Variants in RFX3 observed in about 807,000 individuals in gnomAD.
RFX3 encodes regulatory factor X3, also known as transcription factor RFX3.
Under a neutral mutation model 98.6 loss-of-function variants are expected in RFX3, and 14 were observed. The observed-to-expected ratio is 0.14, with a 90% CI of 0.09 to 0.22. RFX3 has a LOEUF of 0.22. Ranked by LOEUF, RFX3 falls within the 10% of genes least tolerant of loss-of-function variation. The pLI, the probability that RFX3 is intolerant of heterozygous loss-of-function variation, is 1.00. For synonymous variants in RFX3, 383 were observed against 328.4 expected (o/e 1.17, Z -1.80); for missense variants, 639 against 926.9 (o/e 0.69, Z 4.03).
intron 1 of RFX3, among the ~76,000 whole-genome samples, chr9:3,441,375 G>A (rs925123920): frequency 6.6e-6 from 1 of 152,042 alleles, no homozygotes; most frequent in Non-Finnish European, 1.5e-5. Context: ...GGTTCTGTCT[G>A]CCAAGCAAAC....
chr9:3,353,037 G>T (rs559711240), intron 2 of RFX3, among the ~76,000 whole-genome samples: 12 of 151,968 alleles, frequency 7.9e-5, no homozygotes, highest in African/African-American at 2.7e-4. Context: ...ATGAGTTCAC[G>T]TCCTTTGTAG....
rs1015065274 is a variant in RFX3 at position 3,322,211 on chromosome 9, T to A, written c.474+8048A>T. ...ACATTTTATGTTAACTTAGGGAGGTTAAATGTTTAATATTGAAATTTCTTA... is the reference window on the plus strand; with the variant it reads ...ACATTTTATGTTAACTTAGGGAGGTAAAATGTTTAATATTGAAATTTCTTA... On this transcript the variant is annotated intron_variant, in intron 4 of 16. Transcript: ENST00000617270. Among the ~76,000 whole-genome samples, 3 of 152,168 alleles carry A rather than the reference T, an allele frequency of 2.0e-5. No individual in the cohort carries two copies. The East Asian group carries it at 5.8e-4, about 29-fold the overall frequency.
chr9:3,512,314 C>G (rs560205652), intron 1 of RFX3, among the ~76,000 whole-genome samples: 10 of 151,668 alleles, frequency 6.6e-5, no homozygotes, highest in Admixed American at 6.6e-4. Context: ...GAAGGTACTA[C>G]TTTGTTAAAT....
rs1287553932 is a variant in RFX3 at position 3,263,076 on chromosome 9, A to G, written c.1464T>C (p.Ala488=). 2 of 1,613,666 alleles carry G rather than the reference A, an allele frequency of 1.2e-6. No homozygotes were observed. The highest frequency in any genetic ancestry group is 8.5e-7 in the Non-Finnish European group (1 of 1,179,660). The change falls in exon 13 of 17, where the codon GCT becomes GCC. Residue 488 remains alanine (A), a synonymous_variant. Transcript: ENST00000617270. ...PQRMIQTKVA[A]VSAFAQTLRR... is the part of the protein sequence containing the mutation. ...GCAGAGTCTGGGCAAAGGCACTTAC[A>G]GCGGCAACCTGTAACGCAATCCAAT...
At chr9:3,508,030 T>C (rs1018796051) in intron 1 of RFX3, among the ~76,000 whole-genome samples, 1 of 151,970 alleles carries the variant, frequency 6.6e-6, no homozygotes, top group Non-Finnish European at 1.5e-5. Flanking sequence ...CTTAAACGAC[T>C]CTGACGAAGA....
intron 4 of RFX3, among the ~76,000 whole-genome samples, chr9:3,321,929 A>G (rs779802835): frequency 1.6e-4 from 24 of 152,030 alleles, no homozygotes; most frequent in Non-Finnish European, 3.4e-4. Flanking sequence ...CTCCTTTAAT[A>G]TATACAATAT....
intron 2 of RFX3, among the ~76,000 whole-genome samples, chr9:3,378,446 A>G (rs909579984): frequency 6.6e-6 from 1 of 152,108 alleles, no homozygotes; most frequent in Non-Finnish European, 1.5e-5. Flanking sequence ...TGCCTCATTC[A>G]TATATATGAT....
intron 1 of RFX3, among the ~76,000 whole-genome samples, chr9:3,414,753 TGAGTATATATGTATATATGA>T (rs1842782203): frequency 7.5e-6 from 1 of 132,782 alleles, no homozygotes; most frequent in African/African-American, 2.8e-5. Flanking sequence ...TGAGTATATA[TGAGTATATATGTATATATGA>T]GTATATATGT....
intron 13 of RFX3, among the ~76,000 whole-genome samples, chr9:3,261,090 A>C (rs978654837): frequency 3.3e-5 from 5 of 152,080 alleles, no homozygotes. Context: ...AATAATTACT[A>C]ATTAGCTTAT....
rs1013005832 is a variant in RFX3, at chr9:3,223,107, C to T, written c.*1935G>A. ...CCAATACCACTGGAAAGATAAACAT[C>T]TTGGGTTTAATATAGGCCTCATTTG... On this transcript the variant is annotated 3_prime_UTR_variant, in exon 17 of 17. Transcript: ENST00000617270. 1.3e-5 allele frequency: 2 copies of T among 151,300 alleles called. No individual in the cohort carries two copies. The highest frequency in any genetic ancestry group is 2.9e-5 in the Non-Finnish European group (2 of 67,822). 9.4% of individuals were successfully genotyped at this position (151,300 alleles called of 1,614,324 possible). A position where few individuals can be genotyped will look rare whatever the true frequency, so the allele number is the denominator to read the frequency against.
At chr9:3,306,275 A>G (rs1829304834) in intron 4 of RFX3, among the ~76,000 whole-genome samples, 1 of 152,044 alleles carries the variant, frequency 6.6e-6, no homozygotes, top group Non-Finnish European at 1.5e-5. Flanking sequence ...AACAAAAATG[A>G]TTAGGTTACG....
intron 3 of RFX3, among the ~76,000 whole-genome samples, chr9:3,334,971 A>C (rs544836438): frequency 6.6e-6 from 1 of 152,080 alleles, no homozygotes; most frequent in South Asian, 2.1e-4. Context: ...AAATACAAAA[A>C]ATTAGCCAGG....
chr9:3,330,489 T>C lies in RFX3; in HGVS notation c.244A>G (p.Thr82Ala), dbSNP rs1160758960. The change falls in exon 4 of 17, where the codon ACA becomes GCA. Residue 82 changes from threonine (T) to alanine (A), a missense_variant. Transcript: ENST00000617270. ...CCAGTATTTTGGCTGTACATCTGTGTCTCTGTGTAAGGATACGTTGTTGTT... is the reference window on the plus strand; with the variant it reads ...CCAGTATTTTGGCTGTACATCTGTGCCTCTGTGTAAGGATACGTTGTTGTT... The part of the protein sequence containing the change: ...IRTTTYPYTE[T>A]QMYSQNTGGN... 1.9e-6 allele frequency: 3 copies of C among 1,613,780 alleles called. No homozygotes were observed. The highest frequency in any genetic ancestry group is 1.3e-5 in the African/African-American group (1 of 74,892).
intron 1 of RFX3, among the ~76,000 whole-genome samples, chr9:3,452,562 C>T (rs1192772362): frequency 1.3e-5 from 2 of 152,160 alleles, no homozygotes; most frequent in Non-Finnish European, 2.9e-5. Context: ...CACTGCACTC[C>T]AGCCTGGGCA....
In RFX3 at chr9:3,346,719, C is replaced by T. The variant is rs200958644; in HGVS notation, c.163G>A (p.Ala55Thr). Residue 55 changes from alanine (A) to threonine (T), a missense_variant, in exon 3 of 17, where the codon GCT becomes ACT. Ala to Thr is a moderately conservative substitution (Grantham distance 58). Around this residue, in one of 9 missense-constraint regions of RFX3, gnomAD observed 210 missense variants for 197.7 expected, o/e 1.06. Coordinates refer to ENST00000617270, the MANE Select transcript of RFX3 (RefSeq NM_001282116.2). Reference sequence around the variant, plus strand: ...CTTCCTTCCACATACTGCACCTGAGCGGGATAGACATGTTGTACCTGCTGC... The same window carrying T: ...CTTCCTTCCACATACTGCACCTGAGTGGGATAGACATGTTGTACCTGCTGC... ...TVQQVQHVYP[A>T]QVQYVEGSDT... The T allele has an allele frequency of 1.1e-5, 18 of 1,613,636 alleles. No homozygotes were observed. The highest frequency in any genetic ancestry group is 1.6e-4 in the Middle Eastern group (1 of 6,062).
chr9:3,351,736 T>G (rs1047728562), intron 2 of RFX3, among the ~76,000 whole-genome samples: 3 of 151,914 alleles, frequency 2.0e-5, no homozygotes, highest in African/African-American at 7.2e-5. Flanking sequence ...ATCAGATAAC[T>G]TCAAATGAAA....
chr9:3,380,965 C>A lies in RFX3; in HGVS notation c.117+14507G>T, dbSNP rs1028840915. On this transcript the variant is annotated intron_variant, in intron 2 of 16. Transcript: ENST00000617270. The stretch of plus-strand genomic sequence containing the variant: ...ATAAAGTTTCTCAACTTCTCTGATG[C>A]GCTGTTGCTTTGTTATTTTTATATC... Among the ~76,000 whole-genome samples, 8 of 151,992 alleles carry A rather than the reference C, an allele frequency of 5.3e-5. 1 individual carries two copies. Among genetic ancestry groups the A allele is most frequent in the Admixed American group, 5.2e-4 (8 of 15,254 alleles).
At chr9:3,362,605 T>A (rs1450102623) in intron 2 of RFX3, among the ~76,000 whole-genome samples, 1 of 152,206 alleles carries the variant, frequency 6.6e-6, no homozygotes. Flanking sequence ...ACTACATGAT[T>A]GCTATAGGCA....
intron 1 of RFX3, among the ~76,000 whole-genome samples, chr9:3,511,234 G>T (rs1008782366): frequency 1.2e-4 from 18 of 152,002 alleles, no homozygotes; most frequent in African/African-American, 3.9e-4. Context: ...CTTTTAAAAA[G>T]ATTTAGGTAT....
Sources: allele counts gnomAD v4.1 joint callset (sites outside exome capture counted in the v4.1 genomes callset), GRCh38; gene constraint gnomAD v4.1.1; regional missense constraint gnomAD v4.1.1; transcripts MANE v1.5; gene names NCBI Gene and HGNC (gene_info 2026-07-23, HGNC 2026-07-21).